Variants in BTBD7 observed in about 807,000 individuals in gnomAD.
The protein encoded by BTBD7 is BTB/POZ domain-containing protein 7.
BTBD7 carries 38 observed loss-of-function variants against 99.9 expected under a neutral mutation model. The observed-to-expected ratio is 0.38, with a 90% CI of 0.29 to 0.50. The LOEUF (loss-of-function observed/expected upper bound fraction) is 0.50. Ranked by LOEUF, BTBD7 falls within the 20% of genes least tolerant of loss-of-function variation. The probability of loss-of-function intolerance (pLI) is 0.93; values close to 1 mark genes in which losing one functional copy is unlikely to be tolerated. For synonymous variants in BTBD7, 520 were observed against 511.4 expected, an observed-to-expected ratio of 1.02 and a Z score of -0.23; for missense variants, 1,170 against 1,394.6, an observed-to-expected ratio of 0.84 and a Z score of 2.57.
intron 3 of BTBD7, among the ~76,000 whole-genome samples, chr14:93,267,186 A>G (rs1274933531): frequency 2.6e-5 from 4 of 152,228 alleles, no homozygotes; most frequent in African/African-American, 9.6e-5. Flanking sequence ...GAGGTGAAGA[A>G]AAAGAATGAA....
chr14:93,291,000 T>TTC (rs2052847533), intron 3 of BTBD7, among the ~76,000 whole-genome samples: 3 of 144,804 alleles, frequency 2.1e-5, no homozygotes, highest in African/African-American at 7.7e-5. Context: ...TTTTTTTTTT[T>TTC]TTTTTTTTTT....
At chr14:93,332,683 C>G in intron 1 of BTBD7, 137 bp downstream of exon 1, 1 of 1,268,098 alleles carries the variant, frequency 7.9e-7, no homozygotes, top group Non-Finnish European at 1.0e-6. Context: ...CCCGGCGCCC[C>G]AGCGCCTCCC....
chr14:93,301,215 GAATTTCATTCTTGTTGCCCA>G (rs893518693), intron 1 of BTBD7, among the ~76,000 whole-genome samples: 1 of 150,794 alleles, frequency 6.6e-6, no homozygotes, highest in Non-Finnish European at 1.5e-5. Flanking sequence ...TTTTGAGACA[GAATTTCATTCTTGTTGCCCA>G]GACTGGAGTG....
intron 6 of BTBD7, 21 bp from the exon 7 acceptor site, chr14:93,253,811 TA>T (rs773916821): frequency 1.9e-5 from 28 of 1,501,312 alleles, no homozygotes; most frequent in Non-Finnish European, 2.4e-5. Flanking sequence ...ATTTTTTTTT[TA>T]GATAGAAATC....
At chr14:93,300,770 G>GTA (rs1566857172) in intron 1 of BTBD7, among the ~76,000 whole-genome samples, 13 of 36,310 alleles carry the variant, frequency 3.6e-4, no homozygotes, top group African/African-American at 1.3e-3. Context: ...GTGTGTGTGT[G>GTA]TGTATATATA....
At chr14:93,325,166 T>C (rs1303470117) in intron 1 of BTBD7, among the ~76,000 whole-genome samples, 3 of 143,854 alleles carry the variant, frequency 2.1e-5, no homozygotes, top group Admixed American at 1.5e-4. Flanking sequence ...CAGGCTGAAG[T>C]GCAGTGGCGC....
intron 4 of BTBD7, among the ~76,000 whole-genome samples, chr14:93,263,520 C>A (rs1030033732): frequency 6.6e-5 from 10 of 152,172 alleles, no homozygotes; most frequent in Admixed American, 5.9e-4. Flanking sequence ...GTGCTTCTGA[C>A]CTTGCCTACT....
chr14:93,299,292 T>C (rs1013517179), intron 1 of BTBD7, among the ~76,000 whole-genome samples: 1 of 152,226 alleles, frequency 6.6e-6, no homozygotes, highest in Admixed American at 6.5e-5. Flanking sequence ...CAAAATCCTA[T>C]GTCAGATGGT....
chr14:93,257,434 A>G (rs192237050), intron 5 of BTBD7, 79 bp from the exon 6 acceptor site: 3 of 1,315,746 alleles, frequency 2.3e-6, no homozygotes, highest in East Asian at 4.6e-5. Flanking sequence ...TAGTACATAC[A>G]CTAACAGTAC....
chr14:93,283,387 A>G (rs576291613), intron 3 of BTBD7, among the ~76,000 whole-genome samples: 3 of 152,332 alleles, frequency 2.0e-5, no homozygotes, highest in Admixed American at 1.3e-4. Context: ...CAAATTCTGC[A>G]TTATTTTAAA....
chr14:93,263,844 C>T lies in BTBD7; in HGVS notation c.1312G>A (p.Val438Ile). ...EEFSQVMTSD[V>I]FYELSKDHLL... ...TGGTCTTTGCTGAGTTCATAAAAAA[C>T]ATCCGAAGTCATGACCTGGGAAAAT... is the stretch of plus-strand genomic sequence containing the variant. The change falls in exon 4 of 11, where the codon GTT becomes ATT. Residue 438 changes from valine to isoleucine, a missense_variant. Physicochemically the swap from Val to Ile is conservative, Grantham distance 29 (BLOSUM62 3). Around this residue, in one of 4 missense-constraint regions of BTBD7, gnomAD observed 309 missense variants for 342.0 expected, o/e 0.90. Transcript: ENST00000334746. 1 of 1,614,174 alleles carries T rather than the reference C, an allele frequency of 6.2e-7. No individual in the cohort carries two copies. The highest frequency in any genetic ancestry group is 8.5e-7 in the Non-Finnish European group (1 of 1,180,032).
chr14:93,294,485 C>T lies in BTBD7; in HGVS notation c.535G>A (p.Ala179Thr). 1 of 1,614,096 alleles carries T rather than the reference C, an allele frequency of 6.2e-7. No individual in the cohort carries two copies. The highest frequency in any genetic ancestry group is 8.5e-7 in the Non-Finnish European group (1 of 1,180,014). Reference protein sequence around the residue: ...TLLSSSPEYGAEIIMDINTAG... With the variant: ...TLLSSSPEYGTEIIMDINTAG... ...GTATTGATGTCCATTATTATCTCTG[C>T]CCCATACTCTGGTGAGGAAGAAAGC... Residue 179 changes from alanine (A) to threonine (T), a missense_variant, in exon 3 of 11, where the codon GCA (alanine) becomes ACA (threonine). Physicochemically the swap from Ala to Thr is moderately conservative, Grantham distance 58. Coordinates refer to ENST00000334746, the MANE Select transcript of BTBD7 (RefSeq NM_001002860.4).
At chr14:93,285,787 G>A (rs1222099457) in intron 3 of BTBD7, among the ~76,000 whole-genome samples, 1 of 152,196 alleles carries the variant, frequency 6.6e-6, no homozygotes, top group Non-Finnish European at 1.5e-5. Context: ...CTCTTTTGGA[G>A]TTTTAAATAC....
At chr14:93,252,635 A>C (rs922046592) in intron 7 of BTBD7, among the ~76,000 whole-genome samples, 3 of 151,760 alleles carry the variant, frequency 2.0e-5, no homozygotes, top group Non-Finnish European at 4.4e-5. Context: ...TCAGCCTCCC[A>C]AAGTGCTGAG....
At chr14:93,329,304 C>A (rs1278030066) in intron 1 of BTBD7, among the ~76,000 whole-genome samples, 2 of 151,360 alleles carry the variant, frequency 1.3e-5, no homozygotes, top group African/African-American at 4.9e-5. Context: ...AAATGCAAAC[C>A]AAAAACACAA....
chr14:93,324,390 C>T (rs1318733779), intron 1 of BTBD7, among the ~76,000 whole-genome samples: 4 of 148,428 alleles, frequency 2.7e-5, no homozygotes, highest in Admixed American at 2.0e-4. Context: ...TCACTGCACT[C>T]CAGCCTGGGT....
At chr14:93,251,803 T>C (rs2139685485) in intron 7 of BTBD7, 151 bp from the exon 8 acceptor site, 1 of 688,580 alleles carries the variant, frequency 1.5e-6, no homozygotes, top group Non-Finnish European at 2.1e-6. Context: ...AAAGTTCCCC[T>C]ACATCTTTAA....
In BTBD7 at chr14:93,296,043, A is replaced by G; in HGVS notation, c.9T>C (p.Ala3=). 1 of 1,613,814 alleles carries G rather than the reference A, an allele frequency of 6.2e-7. No individual in the cohort carries two copies. The highest frequency in any genetic ancestry group is 8.5e-7 in the Non-Finnish European group (1 of 1,179,850). MG[A]NASNYPHSCS... ...ATGAATGAGGATAATTAGATGCATT[A>G]GCACCCATTTTCTTCAGTCACTCAG... is the stretch of plus-strand genomic sequence containing the variant. Residue 3 remains alanine, a synonymous_variant, in exon 2 of 11, where the codon GCT becomes GCC. Coordinates refer to ENST00000334746, the MANE Select transcript of BTBD7 (RefSeq NM_001002860.4).
chr14:93,318,157 G>A (rs1457712083), intron 1 of BTBD7, among the ~76,000 whole-genome samples: 3 of 152,088 alleles, frequency 2.0e-5, no homozygotes, highest in Non-Finnish European at 2.9e-5. Context: ...GGCACAAAAC[G>A]GGATATGATA....
Sources: allele counts gnomAD v4.1 joint callset (sites outside exome capture counted in the v4.1 genomes callset), GRCh38; gene constraint gnomAD v4.1.1; regional missense constraint gnomAD v4.1.1; transcripts MANE v1.5; gene names NCBI Gene and HGNC (gene_info 2026-07-23, HGNC 2026-07-21).